CCDC60: variants seen among roughly 807,000 people sequenced by gnomAD.
CCDC60 encodes the protein coiled-coil domain-containing protein 60.
Under a neutral mutation model 63.5 loss-of-function variants are expected in CCDC60, and 54 were observed. The observed-to-expected ratio is 0.85, with a 90% CI of 0.68 to 1.07. CCDC60 has a LOEUF of 1.07. Among genes scored for constraint, CCDC60 ranks in the 50% least tolerant of loss-of-function variants. CCDC60 has a pLI of 0.00. For synonymous variants in CCDC60, 206 were observed against 238.8 expected (o/e 0.86, Z 1.27); for missense variants, 651 against 684.3 (o/e 0.95, Z 0.54).
chr12:119,385,650 C>T (rs1302020852), intron 1 of CCDC60, among the ~76,000 whole-genome samples: 1 of 152,174 alleles, frequency 6.6e-6, no homozygotes, highest in Non-Finnish European at 1.5e-5. Context: ...TATAAATAGC[C>T]TGAAAACAGA....
At chr12:119,405,513 T>C (rs2136186409) in intron 1 of CCDC60, among the ~76,000 whole-genome samples, 1 of 152,308 alleles carries the variant, frequency 6.6e-6, no homozygotes, top group South Asian at 2.1e-4. Flanking sequence ...TCTCAAACTC[T>C]GTTAGTTTTT....
chr12:119,535,901 G>T, intron 13 of CCDC60, among the ~76,000 whole-genome samples: 1 of 151,986 alleles, frequency 6.6e-6, no homozygotes, highest in South Asian at 2.1e-4. Context: ...GTTGATTTGG[G>T]GTGGAGAGTT....
At chr12:119,415,091 A>G (rs895901507) in intron 1 of CCDC60, among the ~76,000 whole-genome samples, 5 of 152,232 alleles carry the variant, frequency 3.3e-5, no homozygotes, top group Non-Finnish European at 7.3e-5. Flanking sequence ...TCGGTGACTT[A>G]GCCTCACCTT....
chr12:119,493,200 C>T (rs1186399619), intron 5 of CCDC60, among the ~76,000 whole-genome samples: 4 of 152,120 alleles, frequency 2.6e-5, no homozygotes, highest in Admixed American at 6.5e-5. Context: ...TGACACCCAC[C>T]GTGCATTTTC....
At chr12:119,487,669 G>A (rs1951485807) in intron 4 of CCDC60, among the ~76,000 whole-genome samples, 2 of 150,830 alleles carry the variant, frequency 1.3e-5, no homozygotes, top group Non-Finnish European at 3.0e-5. Context: ...TAAGCAAAGT[G>A]ATGGCACCTC....
intron 8 of CCDC60, among the ~76,000 whole-genome samples, chr12:119,516,952 T>C (rs1327048533): frequency 2.6e-5 from 4 of 152,178 alleles, no homozygotes; most frequent in Non-Finnish European, 5.9e-5. Flanking sequence ...AGCTAGTGAA[T>C]GATAAGGCCA....
intron 7 of CCDC60, among the ~76,000 whole-genome samples, chr12:119,514,262 C>T (rs1952292847): frequency 6.6e-6 from 1 of 151,980 alleles, no homozygotes; most frequent in African/African-American, 2.4e-5. Context: ...CTGCAACCTC[C>T]ACCTCCCAGG....
intron 5 of CCDC60, among the ~76,000 whole-genome samples, chr12:119,495,013 T>C (rs888101102): frequency 6.6e-6 from 1 of 152,168 alleles, no homozygotes; most frequent in Non-Finnish European, 1.5e-5. Flanking sequence ...ATCCATCTAC[T>C]GTTTTATGAT....
At chr12:119,510,039 G>A (rs1952171537) in intron 7 of CCDC60, among the ~76,000 whole-genome samples, 1 of 152,214 alleles carries the variant, frequency 6.6e-6, no homozygotes. Flanking sequence ...TGGACTTCTG[G>A]TCTAGAATCT....
At position 119,360,884 on chromosome 12, in the gene CCDC60, G is replaced by A. The variant is rs1026210571; in HGVS notation, c.90+25618G>A. On this transcript the variant is annotated intron_variant, in intron 1 of 13. Coordinates refer to ENST00000327554, the MANE Select transcript of CCDC60 (RefSeq NM_178499.5). Reference sequence around the variant, plus strand: ...TGAACCAGACTCTGTCTGCAATCCCGGCACCTCGGGAGGCCGAGGCTGGCG... The same window carrying A: ...TGAACCAGACTCTGTCTGCAATCCCAGCACCTCGGGAGGCCGAGGCTGGCG... Among the ~76,000 whole-genome samples the A allele has an allele frequency of 1.3e-4, 20 of 152,284 alleles. No homozygotes were observed. In the South Asian group the frequency reaches 1.5e-3, roughly 11 times the overall value.
chr12:119,494,293 G>T (rs1386898411), intron 5 of CCDC60, among the ~76,000 whole-genome samples: 1 of 152,128 alleles, frequency 6.6e-6, no homozygotes, highest in Non-Finnish European at 1.5e-5. Context: ...GAAGAAACAG[G>T]CCAGACCCCT....
chr12:119,520,542 C>CT (rs11460611), intron 9 of CCDC60, among the ~76,000 whole-genome samples: 28,989 of 126,792 alleles, frequency 0.23, 3,509 homozygotes, highest in Admixed American at 0.25. Flanking sequence ...AGAGAATATT[C>CT]TTTTTTTTTT....
At chr12:119,372,222 C>T (rs576638133) in intron 1 of CCDC60, among the ~76,000 whole-genome samples, 1 of 151,816 alleles carries the variant, frequency 6.6e-6, no homozygotes, top group African/African-American at 2.4e-5. Flanking sequence ...ATCACACCAC[C>T]GCACTCCAGC....
chr12:119,444,564 G>C (rs1566013009), intron 2 of CCDC60, among the ~76,000 whole-genome samples: 1 of 152,184 alleles, frequency 6.6e-6, no homozygotes, highest in Non-Finnish European at 1.5e-5. Context: ...TCTTTCCCTT[G>C]AATTGTCTAA....
intron 13 of CCDC60, among the ~76,000 whole-genome samples, chr12:119,538,220 C>T (rs1953066082): frequency 1.3e-5 from 2 of 152,228 alleles, no homozygotes; most frequent in Non-Finnish European, 2.9e-5. Flanking sequence ...TGGGACCTGC[C>T]GAGCCAGGCG....
At chr12:119,539,323 G>A (rs1402167350) in intron 13 of CCDC60, among the ~76,000 whole-genome samples, 1 of 152,216 alleles carries the variant, frequency 6.6e-6, no homozygotes, top group Non-Finnish European at 1.5e-5. Flanking sequence ...CTGTCCCAGG[G>A]AGATGGGAGT....
At chr12:119,472,612 G>A (rs1455625882) in intron 3 of CCDC60, among the ~76,000 whole-genome samples, 6 of 123,558 alleles carry the variant, frequency 4.9e-5, no homozygotes, top group Admixed American at 3.3e-4. Context: ...ATGGAATCTC[G>A]CTCTGTTGCC....
At chr12:119,387,022 CCT>C (rs1204374522) in intron 1 of CCDC60, among the ~76,000 whole-genome samples, 2 of 105,324 alleles carry the variant, frequency 1.9e-5, no homozygotes, top group South Asian at 2.9e-4. Flanking sequence ...CCTCCCTCCC[CCT>C]CTGTCTCTCT....
intron 13 of CCDC60, among the ~76,000 whole-genome samples, chr12:119,537,361 C>G (rs1566070400): frequency 6.6e-6 from 1 of 152,212 alleles, no homozygotes; most frequent in Non-Finnish European, 1.5e-5. Context: ...CAAACATCCT[C>G]CTTTAGCTTG....
Sources: allele counts gnomAD v4.1 joint callset (sites outside exome capture counted in the v4.1 genomes callset), GRCh38; gene constraint gnomAD v4.1.1; transcripts MANE v1.5; gene names NCBI Gene and HGNC (gene_info 2026-07-23, HGNC 2026-07-21).